Variants in UPF2 observed in about 807,000 individuals in gnomAD.
The protein encoded by UPF2 is regulator of nonsense transcripts 2.
In UPF2, 17 loss-of-function variants were observed where a neutral mutation model predicts 141.4. That is an observed-to-expected ratio of 0.12 (90% CI 0.08 to 0.18). The LOEUF (loss-of-function observed/expected upper bound fraction) is 0.18, where lower values mean the gene tolerates loss of function less well. Among genes scored for constraint, UPF2 ranks in the 10% least tolerant of loss-of-function variants. The pLI is 1.00. For missense variants in UPF2, 1,152 were observed against 1,515.9 expected (o/e 0.76, Z 3.99); for synonymous variants, 540 against 498.0 (o/e 1.08, Z -1.12).
intron 12 of UPF2, among the ~76,000 whole-genome samples, chr10:11,957,168 C>G (rs1833165262): frequency 6.6e-6 from 1 of 151,916 alleles, no homozygotes; most frequent in African/African-American, 2.4e-5. Flanking sequence ...GTGGCTCACG[C>G]TTGTAATCCC....
intron 2 of UPF2, among the ~76,000 whole-genome samples, chr10:12,033,441 G>C (rs886837402): frequency 2.6e-5 from 4 of 152,144 alleles, no homozygotes; most frequent in African/African-American, 9.7e-5. Flanking sequence ...GATGTGGTGG[G>C]AGGATGGCTT....
At chr10:11,974,335 T>A (rs978121201) in intron 9 of UPF2, among the ~76,000 whole-genome samples, 1 of 152,192 alleles carries the variant, frequency 6.6e-6, no homozygotes, top group Non-Finnish European at 1.5e-5. Flanking sequence ...AGGGACAATT[T>A]GACTTCCTCT....
chr10:11,938,868 T>TTTTTTTTTTTTTTTTTTTG (rs1832897282), intron 18 of UPF2, among the ~76,000 whole-genome samples: 5 of 90,822 alleles, frequency 5.5e-5, no homozygotes, highest in Non-Finnish European at 1.2e-4. Flanking sequence ...TTTTTTTTTT[T>TTTTTTTTTTTTTTTTTTTG]TTTTTTTTTT....
In UPF2 at chr10:11,921,681, C is replaced by G. The variant is rs568814289; in HGVS notation, c.3810-374G>C. Reference sequence around the variant, plus strand: ...TGTGCATTTTGGTGTCTGAGGGGATCCAGGAAGCAACCCCCTGTGGATACC... The same window carrying G: ...TGTGCATTTTGGTGTCTGAGGGGATGCAGGAAGCAACCCCCTGTGGATACC... On this transcript the variant is annotated intron_variant, in intron 21 of 21. Transcript: ENST00000357604. This position sits in a 1 kb window ranked among gnomAD's most constrained non-coding sequence, Gnocchi z 5.9. Among the ~76,000 whole-genome samples the G allele has an allele frequency of 6.6e-6, 1 of 152,204 alleles. No individual in the cohort carries two copies. Among genetic ancestry groups the G allele is most frequent in the Admixed American group, 6.5e-5 (1 of 15,280 alleles).
In UPF2 at chr10:11,956,186, C is replaced by A. The variant is rs1833147505; in HGVS notation, c.2574+134G>T. The A allele has an allele frequency of 1.1e-5, 9 of 806,812 alleles. No homozygotes were observed. The highest frequency in any genetic ancestry group is 1.8e-5 in the Non-Finnish European group (9 of 514,212). The allele number at this position is 806,812 out of a possible 1,614,324, so 50.0% of individuals were successfully genotyped here. The stretch of plus-strand genomic sequence containing the variant: ...AAGAGGAAAGTGTTTACAGGAAATT[C>A]TTATAAAATGATTATCAGCTTTTTC... On this transcript the variant is annotated intron_variant, in intron 13 of 21. Transcript: ENST00000357604. The surrounding 1 kb of genome is among the most constrained non-coding windows in gnomAD (Gnocchi z 4.2).
chr10:11,981,645 T>C (rs574214338), intron 8 of UPF2, among the ~76,000 whole-genome samples: 43 of 151,980 alleles, frequency 2.8e-4, no homozygotes, highest in African/African-American at 1.0e-3. Context: ...CCCACCACTC[T>C]CTAAAGATAT....
intron 17 of UPF2, 58 bp from the exon 18 acceptor site, chr10:11,942,821 G>T: frequency 6.6e-7 from 1 of 1,513,214 alleles, no homozygotes. Flanking sequence ...TGTTTTCTAG[G>T]GCAAAGCCTT....
chr10:12,014,227 T>G lies in UPF2; in HGVS notation c.1146-43A>C. 7.5e-7 allele frequency: 1 copy of G among 1,331,494 alleles called. No homozygotes were observed. The allele number at this position is 1,331,494 out of a possible 1,614,324, so 82.5% of individuals were successfully genotyped here. Reference sequence around the variant, plus strand: ...CATCTGACAGTCTTATCAAAATAGATGTGATCACAAATTGTTATATATGGG... The same window carrying G: ...CATCTGACAGTCTTATCAAAATAGAGGTGATCACAAATTGTTATATATGGG... On this transcript the variant is annotated intron_variant, in intron 3 of 21. Transcript: ENST00000357604. This position sits in a 1 kb window ranked among gnomAD's most constrained non-coding sequence, Gnocchi z 5.0.
At chr10:12,037,332 T>C (rs1834647914) in intron 1 of UPF2, among the ~76,000 whole-genome samples, 1 of 152,096 alleles carries the variant, frequency 6.6e-6, no homozygotes. Context: ...TCCATCCACC[T>C]GGGCCTCCCA....
intron 9 of UPF2, among the ~76,000 whole-genome samples, chr10:11,977,500 A>G (rs984040525): frequency 6.6e-6 from 1 of 152,224 alleles, no homozygotes; most frequent in African/African-American, 2.4e-5. Context: ...ATGAGAGAGT[A>G]CATATAGACA....
rs1434542162 is a variant in UPF2, at chr10:12,029,470, T to C, written c.420A>G (p.Leu140=). ...GGTTTTTGCTACGAAGTTCCTTTCT[T>C]AAATGATGTCGTTCCCAAGCTTCCT... The part of the protein sequence containing the change: ...LHQEAWERHH[L]RKELRSKNQN... Residue 140 remains leucine (L), a synonymous_variant, in exon 3 of 22, where the codon TTA becomes TTG. Coordinates refer to ENST00000357604, the MANE Select transcript of UPF2 (RefSeq NM_015542.4). 2 of 1,610,906 alleles carry C rather than the reference T, an allele frequency of 1.2e-6. No individual in the cohort carries two copies. The highest frequency in any genetic ancestry group is 3.4e-5 in the Admixed American group (2 of 59,264).
intron 11 of UPF2, among the ~76,000 whole-genome samples, chr10:11,960,476 G>A (rs1833222305): frequency 1.3e-5 from 2 of 152,156 alleles, no homozygotes. Flanking sequence ...GCTGAAGCAG[G>A]AGGATCACGT....
chr10:11,994,406 T>C (rs546346074), intron 8 of UPF2, among the ~76,000 whole-genome samples: 2 of 152,332 alleles, frequency 1.3e-5, no homozygotes, highest in South Asian at 4.1e-4. Flanking sequence ...TATAATTGTA[T>C]TTTCTTGTAT....
chr10:12,041,993 T>C (rs2131325950), intron 1 of UPF2, among the ~76,000 whole-genome samples: 1 of 152,262 alleles, frequency 6.6e-6, no homozygotes, highest in African/African-American at 2.4e-5. Flanking sequence ...ATCACTTCCT[T>C]AGTCCAACAG....
chr10:12,013,510 T>TGC (rs1397328025), intron 4 of UPF2, among the ~76,000 whole-genome samples: 2 of 152,068 alleles, frequency 1.3e-5, no homozygotes, highest in Non-Finnish European at 2.9e-5. Context: ...CCTGACCTTG[T>TGC]GATCCTCCCG....
At chr10:11,968,156 G>T (rs1833353824) in intron 9 of UPF2, among the ~76,000 whole-genome samples, 1 of 152,014 alleles carries the variant, frequency 6.6e-6, no homozygotes, top group African/African-American at 2.4e-5. Context: ...TCCAGCCTGG[G>T]TGACAAGAGC....
chr10:11,936,783 A>C lies in UPF2; in HGVS notation c.3379-71T>G. 7.1e-7 allele frequency: 1 copy of C among 1,400,590 alleles called. No individual in the cohort carries two copies. Among genetic ancestry groups the C allele is most frequent in the Non-Finnish European group, 9.5e-7 (1 of 1,052,372 alleles). The allele number at this position is 1,400,590 out of a possible 1,614,324, so 86.8% of individuals were successfully genotyped here. On this transcript the variant is annotated intron_variant, in intron 18 of 21. Coordinates refer to ENST00000357604, the MANE Select transcript of UPF2 (RefSeq NM_015542.4). This position sits in a 1 kb window ranked among gnomAD's most constrained non-coding sequence, Gnocchi z 6.6. ...CGGATATATGTCAATATAAATTGCAAACTCATTCAATGCTGTATTTCTTAA... is the reference window on the plus strand; with the variant it reads ...CGGATATATGTCAATATAAATTGCACACTCATTCAATGCTGTATTTCTTAA...
rs2131286309 is a variant in UPF2 at position 12,014,596 on chromosome 10, AGAAATATC to A, written c.1146-420_1146-413del. The stretch of plus-strand genomic sequence containing the variant: ...TTCTTAAACCTCCATGATTTGAATC[AGAAATATC>A]ATATTTAACAATATATCACAAAATA... On this transcript the variant is annotated intron_variant, in intron 3 of 21. Coordinates refer to ENST00000357604, the MANE Select transcript of UPF2 (RefSeq NM_015542.4). The surrounding 1 kb of genome is among the most constrained non-coding windows in gnomAD (Gnocchi z 5.0). Among the ~76,000 whole-genome samples, 1 of 152,372 alleles carries A rather than the reference AGAAATATC, an allele frequency of 6.6e-6. No homozygotes were observed. The highest frequency in any genetic ancestry group is 1.9e-4 in the East Asian group (1 of 5,194).
At chr10:11,999,825 C>T (rs1463931227) in intron 7 of UPF2, 81 bp downstream of exon 7, 22 of 1,184,050 alleles carry the variant, frequency 1.9e-5, no homozygotes, top group Non-Finnish European at 2.6e-5. Flanking sequence ...CTCAAACAGT[C>T]TAAAAACCAT....
Sources: allele counts gnomAD v4.1 joint callset (sites outside exome capture counted in the v4.1 genomes callset), GRCh38; gene constraint gnomAD v4.1.1; non-coding constraint Gnocchi (gnomAD v3.1); transcripts MANE v1.5; gene names NCBI Gene and HGNC (gene_info 2026-07-23, HGNC 2026-07-21).